ZNF425: variants seen among roughly 807,000 people sequenced by gnomAD.
ZNF425 encodes zinc finger protein 425.
In ZNF425, 21 loss-of-function variants were observed where a neutral mutation model predicts 17.0. The observed-to-expected ratio is 1.23, with a 90% confidence interval of 0.88 to 1.78. ZNF425 has a LOEUF of 1.78. ZNF425 is among the 40% of genes most tolerant of loss of function. The pLI, the probability that ZNF425 is intolerant of heterozygous loss-of-function variation, is 0.00. For synonymous variants in ZNF425, 433 were observed against 384.1 expected (o/e 1.13, Z -1.49); for missense variants, 868 against 967.3 (o/e 0.90, Z 1.36).
At chr7:149,120,689 G>C (rs1826335623) in intron 1 of ZNF425, among the ~76,000 whole-genome samples, 1 of 152,170 alleles carries the variant, frequency 6.6e-6, no homozygotes, top group Admixed American at 6.6e-5. Context: ...GGAGAAATAA[G>C]CTATACCATC....
intron 3 of ZNF425, among the ~76,000 whole-genome samples, chr7:149,111,456 G>C (rs1826173879): frequency 6.6e-6 from 1 of 151,202 alleles, no homozygotes; most frequent in South Asian, 2.1e-4. Context: ...GCCAGGTGTG[G>C]TGGCAGGCAT....
Position 149,112,177 on chromosome 7 carries a change from T to C in ZNF425, c.264A>G (p.Glu88=). ...TTCCAGTATTCTTCATGTTCAACTG[T>C]TCATCAGTAGGAGGGCTAGTTGTCC... is the stretch of plus-strand genomic sequence containing the variant. ...TRRTTSPPTD[E]QLNMKNTGKL... The change falls in exon 3 of 4, where the codon GAA becomes GAG. Residue 88 remains glutamate (E), a synonymous_variant. Transcript: ENST00000378061. 1 of 1,614,094 alleles carries C rather than the reference T, an allele frequency of 6.2e-7. No homozygotes were observed. Among genetic ancestry groups the C allele is most frequent in the Non-Finnish European group, 8.5e-7 (1 of 1,179,980 alleles).
At chr7:149,113,993 G>A (rs1585486896) in intron 2 of ZNF425, among the ~76,000 whole-genome samples, 1 of 138,978 alleles carries the variant, frequency 7.2e-6, no homozygotes, top group Non-Finnish European at 1.6e-5. Context: ...CAGCCTAGGT[G>A]ATAGAGAGAG....
chr7:149,121,132 C>G (rs28861073), intron 1 of ZNF425, among the ~76,000 whole-genome samples: 12,429 of 21,128 alleles, frequency 0.59, 3,955 homozygotes, highest in East Asian at 0.99. Flanking sequence ...CTCGCTCTGT[C>G]GCCCAGGCTG....
At chr7:149,116,423 T>C (rs1346437796) in intron 2 of ZNF425, among the ~76,000 whole-genome samples, 1 of 152,178 alleles carries the variant, frequency 6.6e-6, no homozygotes, top group Non-Finnish European at 1.5e-5. Context: ...ATTCTTCTTT[T>C]TTTCCACATC....
chr7:149,122,591 C>A (rs77163786), intron 1 of ZNF425, among the ~76,000 whole-genome samples: 5,524 of 152,248 alleles, frequency 0.036, 325 homozygotes, highest in African/African-American at 0.13. Flanking sequence ...TGGTGGTACA[C>A]CACCAGGGAC....
At chr7:149,121,466 A>G (rs1036497498) in intron 1 of ZNF425, among the ~76,000 whole-genome samples, 6 of 148,414 alleles carry the variant, frequency 4.0e-5, no homozygotes, top group Non-Finnish European at 7.4e-5. Flanking sequence ...ATCTCGGCTT[A>G]CCACAACCTC....
intron 3 of ZNF425, among the ~76,000 whole-genome samples, chr7:149,107,333 A>G (rs150224761): frequency 7.2e-6 from 1 of 139,014 alleles, no homozygotes; most frequent in East Asian, 2.0e-4. Context: ...TTATTTATTT[A>G]TTTATTTATT....
In ZNF425 at chr7:149,126,282, G is replaced by A; in HGVS notation, c.-69C>T. On this transcript the variant is annotated 5_prime_UTR_variant, in exon 1 of 4. Transcript: ENST00000378061. ...CCGCTCCGCCCCAACCCAACTCCCA[G>A]GTACAGCCCTGCTGGCCCCCAAAGG... The A allele has an allele frequency of 3.8e-6, 6 of 1,571,738 alleles. No homozygotes were observed. Among genetic ancestry groups the A allele is most frequent in the East Asian group, 2.4e-5 (1 of 42,170 alleles).
chr7:149,115,708 AG>A (rs1288394792), intron 2 of ZNF425, among the ~76,000 whole-genome samples: 1 of 149,754 alleles, frequency 6.7e-6, no homozygotes, highest in Non-Finnish European at 1.5e-5. Flanking sequence ...AAAAAAAAGA[AG>A]GGTTTCCATA....
chr7:149,119,658 G>A (rs190932978), intron 1 of ZNF425, among the ~76,000 whole-genome samples: 15 of 152,084 alleles, frequency 9.9e-5, no homozygotes, highest in African/African-American at 3.1e-4. Context: ...GCCAGGTATG[G>A]TAATCCCAGC....
Position 149,104,860 on chromosome 7 carries a change from C to G in ZNF425, c.1011G>C (p.Arg337=). The change falls in exon 4 of 4, where the codon CGG becomes CGC. Residue 337 remains arginine (R), a synonymous_variant. Coordinates refer to ENST00000378061, the MANE Select transcript of ZNF425 (RefSeq NM_001001661.3). This position sits in a 1 kb window ranked among gnomAD's most constrained non-coding sequence, Gnocchi z 4.3. ...EKPFQCPQCD[R]CFRLKRGMKV... is the part of the protein sequence containing the mutation. ...TCATGCCCCTCTTCAGGCGGAAGCA[C>G]CGGTCACACTGCGGACACTGGAAGG... 6.2e-7 allele frequency: 1 copy of G among 1,613,760 alleles called. No homozygotes were observed. The highest frequency in any genetic ancestry group is 8.5e-7 in the Non-Finnish European group (1 of 1,179,980).
intron 3 of ZNF425, among the ~76,000 whole-genome samples, chr7:149,107,340 TATTTA>T (rs1221260364): frequency 9.6e-5 from 14 of 145,124 alleles, no homozygotes; most frequent in Non-Finnish European, 1.1e-4. Context: ...TTTATTTATT[TATTTA>T]TTTTTTTTCT....
intron 2 of ZNF425, among the ~76,000 whole-genome samples, chr7:149,115,526 C>T (rs554071807): frequency 6.6e-6 from 1 of 151,404 alleles, no homozygotes; most frequent in Non-Finnish European, 1.5e-5. Flanking sequence ...CCTGTCTCTA[C>T]TAAAAATATA....
intron 1 of ZNF425, among the ~76,000 whole-genome samples, chr7:149,120,731 A>G (rs1343438533): frequency 6.6e-6 from 1 of 152,230 alleles, no homozygotes; most frequent in Non-Finnish European, 1.5e-5. Context: ...TGATGTTTGC[A>G]CAACCACAAA....
At chr7:149,115,220 G>T (rs1290270165) in intron 2 of ZNF425, among the ~76,000 whole-genome samples, 1 of 150,884 alleles carries the variant, frequency 6.6e-6, no homozygotes, top group Non-Finnish European at 1.5e-5. Context: ...AAAGTATTGG[G>T]ATTACAGGCA....
chr7:149,111,451 G>C (rs1247227006), intron 3 of ZNF425, among the ~76,000 whole-genome samples: 1 of 151,200 alleles, frequency 6.6e-6, no homozygotes, highest in African/African-American at 2.4e-5. Context: ...AATTAGCCAG[G>C]TGTGGTGGCA....
In ZNF425 at chr7:149,126,018, A is replaced by G. The variant is rs560035767; in HGVS notation, c.18+178T>C. The G allele has an allele frequency of 5.3e-6, 7 of 1,322,030 alleles. No homozygotes were observed. The Admixed American group carries it at 6.1e-5, about 11-fold the overall frequency. The allele number at this position is 1,322,030 out of a possible 1,614,324, so 81.9% of individuals were successfully genotyped here. ...AGCTTTTCCCCAGGTCAATTCCAGA[A>G]CAGCACACGCAGCAAGACTGCACCT... On this transcript the variant is annotated intron_variant, in intron 1 of 3. Transcript: ENST00000378061.
Position 149,104,608 on chromosome 7 carries a change from T to C in ZNF425, c.1263A>G (p.Lys421=). 1 of 1,613,814 alleles carries C rather than the reference T, an allele frequency of 6.2e-7. No individual in the cohort carries two copies. The highest frequency in any genetic ancestry group is 1.1e-5 in the South Asian group (1 of 91,064). ...EKPFSCPECN[K]SFRLKRSLKA... ...TCAGGCTTCTCTTGAGGCGGAAACT[T>C]TTGTTACACTCGGGACACGAAAAGG... The change falls in exon 4 of 4, where the codon AAA becomes AAG. Residue 421 remains lysine, a synonymous_variant. Coordinates refer to ENST00000378061, the MANE Select transcript of ZNF425 (RefSeq NM_001001661.3). This position sits in a 1 kb window ranked among gnomAD's most constrained non-coding sequence, Gnocchi z 4.3.
Sources: allele counts gnomAD v4.1 joint callset (sites outside exome capture counted in the v4.1 genomes callset), GRCh38; gene constraint gnomAD v4.1.1; non-coding constraint Gnocchi (gnomAD v3.1); transcripts MANE v1.5; gene names NCBI Gene and HGNC (gene_info 2026-07-23, HGNC 2026-07-21).